The following USP54 variants were observed in gnomAD, a reference collection of about 807,000 sequenced individuals.
USP54 encodes the protein ubiquitin specific peptidase 54.
USP54 carries 87 observed loss-of-function variants against 170.5 expected under a neutral mutation model. The observed-to-expected ratio is 0.51, with a 90% CI of 0.43 to 0.61. USP54 has a LOEUF of 0.61. Ranked by LOEUF, USP54 falls within the 20% of genes least tolerant of loss-of-function variation. The probability of loss-of-function intolerance (pLI) is 0.00; values close to 1 mark genes in which losing one functional copy is unlikely to be tolerated. For missense variants in USP54, 1,786 were observed against 2,047.8 expected (o/e 0.87, Z 2.47); for synonymous variants, 655 against 742.8 (o/e 0.88, Z 1.92).
At chr10:73,506,751 C>G (rs1191678521) in intron 20 of USP54, 1 of 151,744 alleles carries the variant, frequency 6.6e-6, no homozygotes, top group East Asian at 1.9e-4. Flanking sequence ...GAAAGGTTCC[C>G]AAAAAGTCTA....
chr10:73,575,752 A>G (rs1328881255), intron 2 of USP54, 46 bp downstream of exon 2: 1 of 1,404,410 alleles, frequency 7.1e-7, no homozygotes, highest in African/African-American at 1.4e-5. Flanking sequence ...AGGAAAGGGA[A>G]TCCAGAATTT....
chr10:73,551,900 C>T (rs946927036), intron 4 of USP54, among the ~76,000 whole-genome samples: 1 of 152,184 alleles, frequency 6.6e-6, no homozygotes. Context: ...CCCTAATACT[C>T]TAGGGCCTCA....
intron 1 of USP54, among the ~76,000 whole-genome samples, chr10:73,589,825 A>G (rs904752642): frequency 1.3e-5 from 2 of 152,176 alleles, no homozygotes; most frequent in Non-Finnish European, 2.9e-5. Flanking sequence ...GAGAATATCT[A>G]TAAAGAAGAT....
intron 4 of USP54, among the ~76,000 whole-genome samples, chr10:73,569,657 GAGA>G (rs910599259): frequency 4.0e-5 from 6 of 150,756 alleles, no homozygotes; most frequent in Admixed American, 2.7e-4. Context: ...GGAGGTTGAG[GAGA>G]AGAATTGCTT....
chr10:73,499,218 A>G (rs2057528623), intron 23 of USP54, 30 bp from the exon 24 acceptor site: 7 of 1,552,604 alleles, frequency 4.5e-6, no homozygotes, highest in Non-Finnish European at 6.1e-6. Flanking sequence ...CCAAAGACTG[A>G]GCATCTTCAG....
At chr10:73,598,810 C>G (rs1256925345) in intron 1 of USP54, among the ~76,000 whole-genome samples, 2 of 152,208 alleles carry the variant, frequency 1.3e-5, no homozygotes, top group African/African-American at 4.8e-5. Context: ...GTCCCAGCTA[C>G]TTGGGAGGCT....
intron 1 of USP54, among the ~76,000 whole-genome samples, chr10:73,618,292 G>A (rs764015875): frequency 1.3e-5 from 2 of 150,402 alleles, no homozygotes; most frequent in Admixed American, 6.6e-5. Flanking sequence ...TCACTCTGAC[G>A]TGTAGTCAGA....
At chr10:73,597,839 C>T (rs922736864) in intron 1 of USP54, among the ~76,000 whole-genome samples, 8 of 152,186 alleles carry the variant, frequency 5.3e-5, no homozygotes, top group African/African-American at 1.9e-4. Context: ...AATCCCAACA[C>T]TTTGGGAGGC....
chr10:73,522,188 T>C (rs2062007230), intron 17 of USP54, among the ~76,000 whole-genome samples: 1 of 152,220 alleles, frequency 6.6e-6, no homozygotes, highest in South Asian at 2.1e-4. Flanking sequence ...TCTGAAGAAC[T>C]TGGCACTCAG....
Position 73,517,099 on chromosome 10 carries a change from T to C in USP54, c.3327A>G (p.Lys1109=). The C allele has an allele frequency of 6.2e-7, 1 of 1,614,238 alleles. No homozygotes were observed. Residue 1109 remains lysine, a synonymous_variant, in exon 20 of 24, where the codon AAA becomes AAG. Transcript: ENST00000687698. The stretch of plus-strand genomic sequence containing the variant: ...AGGTCTCCTCACTGCCTCTGTCCAC[T>C]TTTAAAGTCAATGAAGTTTTGAGGC... ...GQSLKTSLTL[K]VDRGSEETYR... is the part of the protein sequence containing the mutation.
At chr10:73,614,970 G>A (rs1239173302) in intron 1 of USP54, 1 of 150,128 alleles carries the variant, frequency 6.7e-6, no homozygotes, top group Non-Finnish European at 1.5e-5. Flanking sequence ...TAAAATACAG[G>A]GATACACAGA....
intron 4 of USP54, among the ~76,000 whole-genome samples, chr10:73,549,655 C>A (rs1478992813): frequency 1.3e-5 from 2 of 152,266 alleles, no homozygotes; most frequent in African/African-American, 4.8e-5. Context: ...TATATCTAGA[C>A]CCTACACTGT....
intron 18 of USP54, 70 bp downstream of exon 18, chr10:73,520,838 G>C: frequency 1.2e-6 from 2 of 1,602,024 alleles, no homozygotes; most frequent in Non-Finnish European, 1.7e-6. Flanking sequence ...CTGTCTGAGT[G>C]ACAACACTAA....
chr10:73,513,670 C>G (rs917588698), intron 20 of USP54, among the ~76,000 whole-genome samples: 2 of 151,984 alleles, frequency 1.3e-5, no homozygotes, highest in African/African-American at 2.4e-5. Flanking sequence ...AAAAACAAAA[C>G]TATATAGTAC....
chr10:73,505,271 A>G, intron 21 of USP54, 37 bp downstream of exon 21: 2 of 1,582,894 alleles, frequency 1.3e-6, no homozygotes, highest in Non-Finnish European at 1.7e-6. Context: ...CCAACACACC[A>G]CCCCAGGCCC....
intron 4 of USP54, among the ~76,000 whole-genome samples, chr10:73,555,506 G>C (rs75152482): frequency 0.02 from 3,036 of 152,240 alleles, 93 homozygotes; most frequent in African/African-American, 0.07. Flanking sequence ...ACAAAGACAA[G>C]AGACACAGAT....
chr10:73,603,763 A>T, intron 1 of USP54, among the ~76,000 whole-genome samples: 1 of 137,174 alleles, frequency 7.3e-6, no homozygotes, highest in African/African-American at 2.5e-5. Context: ...CAAAAACAAC[A>T]AAAAAAAAAA....
At chr10:73,601,337 C>T (rs1026382683) in intron 1 of USP54, among the ~76,000 whole-genome samples, 4 of 152,078 alleles carry the variant, frequency 2.6e-5, no homozygotes, top group African/African-American at 9.7e-5. Flanking sequence ...CATGGAAAGT[C>T]ACCTCAAAAA....
chr10:73,571,512 A>C lies in USP54; in HGVS notation c.149T>G (p.Val50Gly). ...TCGGAAGATATCCAAGTGCCACAAA[A>C]CCTGATGAGAAAAGGAAAATATTTC... ...NSCFLNSALQ[V>G]LWHLDIFRRS... Residue 50 changes from valine (V) to glycine (G), a missense_variant and splice_region_variant, in exon 4 of 24, where the codon GTT (valine) becomes GGT (glycine). This residue lies in a region of USP54 where 361 missense variants were observed against 455.0 expected (regional missense o/e 0.79). Coordinates refer to ENST00000687698, the MANE Select transcript of USP54 (RefSeq NM_001391956.1). 1 of 1,613,106 alleles carries C rather than the reference A, an allele frequency of 6.2e-7. No individual in the cohort carries two copies. The highest frequency in any genetic ancestry group is 8.5e-7 in the Non-Finnish European group (1 of 1,179,472).
Sources: allele counts gnomAD v4.1 joint callset (sites outside exome capture counted in the v4.1 genomes callset), GRCh38; gene constraint gnomAD v4.1.1; regional missense constraint gnomAD v4.1.1; transcripts MANE v1.5; gene names NCBI Gene and HGNC (gene_info 2026-07-23, HGNC 2026-07-21).